Variants in CARD10 observed in about 807,000 individuals in gnomAD.
The protein encoded by CARD10 is caspase recruitment domain family member 10, also known as caspase recruitment domain-containing protein 10.
CARD10 carries 49 observed loss-of-function variants against 114.6 expected under a neutral mutation model. That is an observed-to-expected ratio of 0.43 (90% confidence interval 0.34 to 0.54). CARD10 has a LOEUF of 0.54. CARD10 is among the 20% of genes least tolerant of loss of function. The pLI, the probability that CARD10 is intolerant of heterozygous loss-of-function variation, is 0.03. For missense variants in CARD10, 1,206 were observed against 1,397.2 expected, an observed-to-expected ratio of 0.86 and a Z score of 2.18; for synonymous variants, 602 against 593.2, an observed-to-expected ratio of 1.01 and a Z score of -0.21.
Position 37,491,807 on chromosome 22 carries a change from A to G in CARD10, c.2812T>C (p.Tyr938His), listed in dbSNP as rs775342276. The change falls in exon 19 of 20, where the codon TAC (tyrosine) becomes CAC (histidine). Residue 938 changes from tyrosine (Y) to histidine (H), a missense_variant. Physicochemically the swap from Tyr to His is moderately conservative, Grantham distance 83. Coordinates refer to ENST00000251973, the MANE Select transcript of CARD10 (RefSeq NM_014550.4). ...ACCTCCACGTGGATGACGATGGGGT[A>G]GATCTCGTTCTGCACCAGCTCCCGC... ...GVRELVQNEI[Y>H]PIVIHVEVTE... 9 of 1,433,410 alleles carry G rather than the reference A, an allele frequency of 6.3e-6. No homozygotes were observed. The East Asian group carries it at 2.8e-4, about 45-fold the overall frequency. 88.8% of individuals were successfully genotyped at this position (1,433,410 alleles called of 1,614,324 possible). A position where few individuals can be genotyped will look rare whatever the true frequency, so the allele number is the denominator to read the frequency against.
intron 19 of CARD10, among the ~76,000 whole-genome samples, 158 bp from the exon 20 acceptor site, chr22:37,491,551 A>AG (rs1922777991): frequency 5.0e-4 from 1 of 1,996 alleles, no homozygotes; most frequent in African/African-American, 2.7e-3. Context: ...GAGACAGAGA[A>AG]GGGGAGGGAG....
intron 3 of CARD10, among the ~76,000 whole-genome samples, chr22:37,515,183 T>G (rs6000759): frequency 0.33 from 50,460 of 152,124 alleles, 11,088 homozygotes; most frequent in African/African-American, 0.63. Context: ...AACCTATGTG[T>G]CTCTTGATAA....
Position 37,502,744 on chromosome 22 carries a change from G to T in CARD10, c.1664-19C>A. ...ACACTCCCTGGGGAAAAAGAATGAG[G>T]TTCAGGGATCTGGCACTGGGAAACA... is the stretch of plus-strand genomic sequence containing the variant. On this transcript the variant is annotated intron_variant, in intron 10 of 19. Coordinates refer to ENST00000251973, the MANE Select transcript of CARD10 (RefSeq NM_014550.4). 6.2e-7 allele frequency: 1 copy of T among 1,610,376 alleles called. No individual in the cohort carries two copies. The highest frequency in any genetic ancestry group is 8.5e-7 in the Non-Finnish European group (1 of 1,178,498).
intron 10 of CARD10, 40 bp from the exon 11 acceptor site, chr22:37,502,765 A>C: frequency 6.2e-7 from 1 of 1,600,360 alleles, no homozygotes; most frequent in South Asian, 1.1e-5. Flanking sequence ...TGGCACTGGG[A>C]AACAGGGATG....
In CARD10 at chr22:37,491,640, GA is replaced by G. The variant is rs1220116291; in HGVS notation, c.2864+114del. ...GGAGGGAGAGAGGGGGAAGGAGAGA[GA>G]GGGGGAGGGAGAAAGAGGGGGAGGG... is the stretch of plus-strand genomic sequence containing the variant. On this transcript the variant is annotated intron_variant, in intron 19 of 19. Transcript: ENST00000251973. The G allele has an allele frequency of 5.4e-6, 3 of 553,788 alleles. No homozygotes were observed. In the Admixed American group the frequency reaches 7.2e-5, roughly 13 times the overall value. The allele number at this position is 553,788 out of a possible 1,614,324, so 34.3% of individuals were successfully genotyped here. A position where few individuals can be genotyped will look rare whatever the true frequency, so the allele number is the denominator to read the frequency against.
At chr22:37,494,228 G>A (rs1025384107) in intron 15 of CARD10, 40 bp from the exon 16 acceptor site, 2 of 1,387,328 alleles carry the variant, frequency 1.4e-6, no homozygotes, top group Non-Finnish European at 2.0e-6. Flanking sequence ...TGAGAGCTCA[G>A]CCCCGCCCCC....
intron 4 of CARD10, chr22:37,509,058 T>C: frequency 1.3e-6 from 2 of 1,549,230 alleles, no homozygotes; most frequent in Non-Finnish European, 1.7e-6. Flanking sequence ...CCCACCCCCA[T>C]GACTAGGGGT....
Position 37,491,036 on chromosome 22 carries a change from G to A in CARD10, c.*123C>T, listed in dbSNP as rs1922750347. Reference sequence around the variant, plus strand: ...ACAGCCTTGGGGGTGAGAGGCCAGAGCCAAGGGCCCTGCATCTGAGAGTCC... The same window carrying A: ...ACAGCCTTGGGGGTGAGAGGCCAGAACCAAGGGCCCTGCATCTGAGAGTCC... On this transcript the variant is annotated 3_prime_UTR_variant, in exon 20 of 20. Coordinates refer to ENST00000251973, the MANE Select transcript of CARD10 (RefSeq NM_014550.4). 2 of 795,996 alleles carry A rather than the reference G, an allele frequency of 2.5e-6. No individual in the cohort carries two copies. The highest frequency in any genetic ancestry group is 1.7e-5 in the African/African-American group (1 of 58,446). 49.3% of individuals were successfully genotyped at this position (795,996 alleles called of 1,614,324 possible).
At chr22:37,504,355 TC>T in intron 8 of CARD10, 54 bp from the exon 9 acceptor site, 3 of 1,268,438 alleles carry the variant, frequency 2.4e-6, no homozygotes, top group Non-Finnish European at 3.2e-6. Flanking sequence ...ACCATCCCAG[TC>T]CTCAGCACAC....
chr22:37,499,920 GCA>G (rs1461563070), intron 11 of CARD10, among the ~76,000 whole-genome samples: 2 of 152,180 alleles, frequency 1.3e-5, no homozygotes, highest in African/African-American at 4.8e-5. Flanking sequence ...GTACTAGGAA[GCA>G]CAGTGTCCTT....
chr22:37,497,254 C>T, intron 11 of CARD10, 76 bp from the exon 12 acceptor site: 1 of 1,464,870 alleles, frequency 6.8e-7, no homozygotes, highest in Non-Finnish European at 9.2e-7. Flanking sequence ...TGGAAAACCA[C>T]AGTGATTTCA....
intron 4 of CARD10, among the ~76,000 whole-genome samples, chr22:37,510,002 A>C (rs1017230062): frequency 8.5e-3 from 83 of 9,720 alleles, no homozygotes; most frequent in Admixed American, 0.015. Context: ...ACCACCCCCC[A>C]CCCCCGTGCC....
chr22:37,511,043 C>G (rs915714856), intron 3 of CARD10, among the ~76,000 whole-genome samples: 16 of 148,334 alleles, frequency 1.1e-4, no homozygotes, highest in Non-Finnish European at 1.5e-4. Flanking sequence ...GATTGCGCCG[C>G]TACACTCCAG....
Position 37,495,899 on chromosome 22 carries a change from G to A in CARD10, c.2164C>T (p.His722Tyr), listed in dbSNP as rs1365463869. The A allele has an allele frequency of 1.2e-6, 2 of 1,614,046 alleles. No individual in the cohort carries two copies. The highest frequency in any genetic ancestry group is 1.3e-5 in the African/African-American group (1 of 74,950). The change falls in exon 14 of 20, where the codon CAT becomes TAT. Residue 722 changes from histidine (H) to tyrosine (Y), a missense_variant. This residue lies in a region of CARD10 where 1,068 missense variants were observed against 1,179.1 expected (regional missense o/e 0.91). Coordinates refer to ENST00000251973, the MANE Select transcript of CARD10 (RefSeq NM_014550.4). ...NLTLPERADP[H>Y]ALCVKAQEIL... ...TCTTGGGCTTTCACGCAAAGGGCAT[G>A]GGGATCTGCCCTCTCAGGCAAGGTG...
At chr22:37,515,840 A>G in intron 3 of CARD10, 133 bp downstream of exon 3, 1 of 670,318 alleles carries the variant, frequency 1.5e-6, no homozygotes. Flanking sequence ...TGAAGTAGGT[A>G]CACCGAGCAC....
chr22:37,494,343 AG>A, intron 15 of CARD10, 155 bp from the exon 16 acceptor site: 1 of 607,916 alleles, frequency 1.6e-6, no homozygotes, highest in Admixed American at 2.9e-5. Context: ...CTTCTCCACC[AG>A]GCCCTCCCCT....
chr22:37,506,104 A>AG (rs1233341861), intron 7 of CARD10, 88 bp downstream of exon 7: 2 of 1,080,638 alleles, frequency 1.9e-6, no homozygotes, highest in African/African-American at 3.2e-5. Flanking sequence ...GTCTCCCACC[A>AG]GGGCCGGCAC....
chr22:37,497,152 C>T lies in CARD10; in HGVS notation c.1814G>A (p.Arg605Gln), dbSNP rs753304481. The change falls in exon 12 of 20, where the codon CGG (arginine) becomes CAG (glutamine). Residue 605 changes from arginine (R) to glutamine (Q), a missense_variant. This residue lies in a region of CARD10 where 1,068 missense variants were observed against 1,179.1 expected (regional missense o/e 0.91). Coordinates refer to ENST00000251973, the MANE Select transcript of CARD10 (RefSeq NM_014550.4). ...NRSLAIRVSG[R>Q]SPPGGPEPQD... is the part of the protein sequence containing the mutation. ...CGGCTCTGGGCCCCCTGGGGGGCTC[C>T]GGCCAGACACCCGAATAGCCAGAGA... 12 of 1,613,616 alleles carry T rather than the reference C, an allele frequency of 7.4e-6. No individual in the cohort carries two copies. The highest frequency in any genetic ancestry group is 3.3e-4 in the Middle Eastern group (2 of 6,082).
Position 37,519,258 on chromosome 22 carries a change from A to G in CARD10, c.-58T>C. 1 of 1,442,796 alleles carries G rather than the reference A, an allele frequency of 6.9e-7. No individual in the cohort carries two copies. Among genetic ancestry groups the G allele is most frequent in the African/African-American group, 1.5e-5 (1 of 68,192 alleles). 89.4% of individuals were successfully genotyped at this position (1,442,796 alleles called of 1,614,324 possible). A position where few individuals can be genotyped will look rare whatever the true frequency, so the allele number is the denominator to read the frequency against. ...GCACGGGGGTCGACCAGGGCTCCCTAGGGCTAGATGTGCGGCCAAGCACCC... is the reference window on the plus strand; with the variant it reads ...GCACGGGGGTCGACCAGGGCTCCCTGGGGCTAGATGTGCGGCCAAGCACCC... On this transcript the variant is annotated 5_prime_UTR_variant, in exon 1 of 20. Coordinates refer to ENST00000251973, the MANE Select transcript of CARD10 (RefSeq NM_014550.4). The surrounding 1 kb of genome is among the most constrained non-coding windows in gnomAD (Gnocchi z 4.1).
Sources: gnomAD v4.1 joint callset for allele counts (sites outside exome capture counted in the v4.1 genomes callset) on GRCh38, gnomAD v4.1.1 for gene constraint, gnomAD v4.1.1 regional missense constraint, Gnocchi (gnomAD v3.1) non-coding constraint, MANE v1.5 for transcripts, NCBI Gene and HGNC (gene_info 2026-07-23, HGNC 2026-07-21) for gene names.